TNPO3: variants seen among roughly 807,000 people sequenced by gnomAD.
TNPO3 encodes transportin-3.
In TNPO3, 65 loss-of-function variants were observed where a neutral mutation model predicts 122.8. That is an observed-to-expected ratio of 0.53 (90% CI 0.43 to 0.65). The LOEUF (loss-of-function observed/expected upper bound fraction) is 0.65. Among genes scored for constraint, TNPO3 ranks in the 30% least tolerant of loss-of-function variants. The pLI is 0.00. For synonymous variants in TNPO3, 372 were observed against 411.2 expected, an observed-to-expected ratio of 0.90 and a Z score of 1.15; for missense variants, 850 against 1,136.7, an observed-to-expected ratio of 0.75 and a Z score of 3.63.
intron 7 of TNPO3, among the ~76,000 whole-genome samples, chr7:128,999,080 T>C (rs893628681): frequency 6.6e-6 from 1 of 152,158 alleles, no homozygotes; most frequent in African/African-American, 2.4e-5. Context: ...CTTGAACTCC[T>C]GACCTTATGA....
rs1431246658 is a variant in TNPO3 at position 128,954,932 on chromosome 7, T to G, written c.*485A>C. On this transcript the variant is annotated 3_prime_UTR_variant, in exon 23 of 23. Transcript: ENST00000265388. ...TATTTAATTCATGTGAATCCCCACA[T>G]TATCCCTAAGTAAATATTTTGTTTC... 2 of 167,640 alleles carry G rather than the reference T, an allele frequency of 1.2e-5. No individual in the cohort carries two copies. The highest frequency in any genetic ancestry group is 1.2e-4 in the Admixed American group (2 of 17,090). The allele number at this position is 167,640 out of a possible 1,614,324, so 10.4% of individuals were successfully genotyped here.
At chr7:129,045,105 G>A (rs1418421053) in intron 1 of TNPO3, among the ~76,000 whole-genome samples, 1 of 152,108 alleles carries the variant, frequency 6.6e-6, no homozygotes, top group Non-Finnish European at 1.5e-5. Flanking sequence ...ATCACAAAAA[G>A]GCTAAATACT....
rs1335848274 is a variant in TNPO3, at chr7:128,979,097, T to C, written c.1947A>G (p.Leu649=). 9.9e-6 allele frequency: 16 copies of C among 1,614,172 alleles called. No homozygotes were observed. The highest frequency in any genetic ancestry group is 1.4e-5 in the Non-Finnish European group (16 of 1,180,000). Residue 649 remains leucine (L), a synonymous_variant, in exon 16 of 23, where the codon CTA becomes CTG. Transcript: ENST00000265388. ...QEIWPVLSET[L]NKHRADNRIV... The stretch of plus-strand genomic sequence containing the variant: ...TCCGATTATCAGCTCGGTGCTTATT[T>C]AGAGTCTCGGATAAAACTGGCCATA...
chr7:128,981,613 T>G (rs1359487864), intron 14 of TNPO3, among the ~76,000 whole-genome samples: 1 of 152,134 alleles, frequency 6.6e-6, no homozygotes, highest in Non-Finnish European at 1.5e-5. Flanking sequence ...GATCTAGCAA[T>G]CTGTGTTTTG....
At chr7:128,969,024 C>T (rs1021478023) in intron 20 of TNPO3, among the ~76,000 whole-genome samples, 5 of 152,018 alleles carry the variant, frequency 3.3e-5, no homozygotes, top group Admixed American at 1.3e-4. Context: ...TTGTGTCTGG[C>T]TGATATACAG....
At chr7:129,012,105 A>G (rs1363988169) in intron 4 of TNPO3, among the ~76,000 whole-genome samples, 2 of 148,468 alleles carry the variant, frequency 1.3e-5, no homozygotes, top group African/African-American at 5.0e-5. Context: ...TCCCAGGTTC[A>G]AGAGATTCTC....
intron 5 of TNPO3, among the ~76,000 whole-genome samples, chr7:129,003,039 C>CAAAAAA (rs56226072): frequency 0.023 from 1,205 of 53,222 alleles, 54 homozygotes; most frequent in Non-Finnish European, 0.03. Flanking sequence ...GACTCCCTCT[C>CAAAAAA]AAAAAAAAAA....
At position 128,954,193 on chromosome 7, in the gene TNPO3, T is replaced by A. The variant is rs1432210346; in HGVS notation, c.*1224A>T. On this transcript the variant is annotated 3_prime_UTR_variant, in exon 23 of 23. Coordinates refer to ENST00000265388, the MANE Select transcript of TNPO3 (RefSeq NM_012470.4). ...AAACAAAGAAACACTGGTTAAATTT[T>A]AAAAATTTATTCTTTCTCTTTTGTT... 3 of 152,254 alleles carry A rather than the reference T, an allele frequency of 2.0e-5. No homozygotes were observed. Among genetic ancestry groups the A allele is most frequent in the African/African-American group, 4.8e-5 (2 of 41,468 alleles). 9.4% of individuals were successfully genotyped at this position (152,254 alleles called of 1,614,324 possible). A position where few individuals can be genotyped will look rare whatever the true frequency, so the allele number is the denominator to read the frequency against.
At chr7:129,009,990 A>G (rs1803007069) in intron 4 of TNPO3, among the ~76,000 whole-genome samples, 2 of 152,114 alleles carry the variant, frequency 1.3e-5, no homozygotes, top group Non-Finnish European at 2.9e-5. Context: ...ACATGAGTCC[A>G]TCATACTTCA....
chr7:129,002,714 C>T (rs1251299217), intron 5 of TNPO3, among the ~76,000 whole-genome samples: 5 of 151,918 alleles, frequency 3.3e-5, no homozygotes, highest in South Asian at 2.1e-4. Flanking sequence ...GTCAGGAGAT[C>T]GAGACCATCC....
At chr7:128,983,737 G>A (rs1799871534) in intron 13 of TNPO3, among the ~76,000 whole-genome samples, 1 of 139,078 alleles carries the variant, frequency 7.2e-6, no homozygotes, top group African/African-American at 2.5e-5. Context: ...CCCACTTCAA[G>A]ACAGCCCATC....
At chr7:128,979,158 TAATC>T in intron 15 of TNPO3, 35 bp from the exon 16 acceptor site, 1 of 1,610,968 alleles carries the variant, frequency 6.2e-7, no homozygotes, top group Non-Finnish European at 8.5e-7. Context: ...AGAAAGAAAA[TAATC>T]AACAACTAGG....
intron 4 of TNPO3, among the ~76,000 whole-genome samples, chr7:129,011,323 CT>C (rs1240254132): frequency 6.6e-6 from 1 of 152,086 alleles, no homozygotes; most frequent in East Asian, 1.9e-4. Flanking sequence ...ATTGGATATT[CT>C]TTGTAAAAAG....
At chr7:129,030,460 T>A (rs1805800467) in intron 1 of TNPO3, 1 of 153,698 alleles carries the variant, frequency 6.5e-6, no homozygotes, top group Non-Finnish European at 1.4e-5. Flanking sequence ...ATTAGCATCC[T>A]GTGTCTTCTG....
In TNPO3 at chr7:128,979,105, C is replaced by T. The variant is rs768002834; in HGVS notation, c.1939G>A (p.Glu647Lys). The change falls in exon 16 of 23, where the codon GAG (glutamate) becomes AAG (lysine). Residue 647 changes from glutamate to lysine, a missense_variant. Coordinates refer to ENST00000265388, the MANE Select transcript of TNPO3 (RefSeq NM_012470.4). ...VIQEIWPVLS[E>K]TLNKHRADNR... ...TCAGCTCGGTGCTTATTTAGAGTCT[C>T]GGATAAAACTGGCCATATCTGGGTC... 6 of 1,613,898 alleles carry T rather than the reference C, an allele frequency of 3.7e-6. No individual in the cohort carries two copies. The highest frequency in any genetic ancestry group is 1.3e-5 in the African/African-American group (1 of 74,896).
chr7:129,021,904 T>G (rs1158237053), intron 1 of TNPO3, among the ~76,000 whole-genome samples: 3 of 151,840 alleles, frequency 2.0e-5, no homozygotes, highest in African/African-American at 7.3e-5. Flanking sequence ...ACTAAACACA[T>G]CAGATAATGT....
intron 12 of TNPO3, among the ~76,000 whole-genome samples, chr7:128,985,739 T>G (rs929673882): frequency 4.6e-5 from 7 of 152,322 alleles, no homozygotes; most frequent in African/African-American, 1.7e-4. Context: ...ACAAGAATAT[T>G]TGACTCTGAT....
chr7:129,024,364 G>A (rs1804870129), intron 1 of TNPO3, among the ~76,000 whole-genome samples: 1 of 152,084 alleles, frequency 6.6e-6, no homozygotes. Context: ...CCACCAAATG[G>A]ATGAAAACTG....
chr7:129,014,744 C>G (rs1327961505), intron 4 of TNPO3, among the ~76,000 whole-genome samples: 1 of 152,062 alleles, frequency 6.6e-6, no homozygotes, highest in Non-Finnish European at 1.5e-5. Context: ...TTGTGTAACT[C>G]TAAAGTCCAT....
Sources: allele counts gnomAD v4.1 joint callset (sites outside exome capture counted in the v4.1 genomes callset), GRCh38; gene constraint gnomAD v4.1.1; transcripts MANE v1.5; gene names NCBI Gene and HGNC (gene_info 2026-07-23, HGNC 2026-07-21).